The following FTCD variants were observed in gnomAD, a reference collection of about 807,000 sequenced individuals.
FTCD encodes formimidoyltransferase-cyclodeaminase.
FTCD carries 76 observed loss-of-function variants against 62.9 expected under a neutral mutation model. The ratio of observed to expected loss-of-function variants is 1.21; its 90% CI spans 1.00 to 1.46. FTCD has a LOEUF of 1.46. Ranked by LOEUF, FTCD falls within the 40% of genes most tolerant of loss-of-function variation. FTCD has a pLI of 0.00. For missense variants in FTCD, 845 were observed against 751.3 expected (o/e 1.12, Z -1.46); for synonymous variants, 397 against 336.9 (o/e 1.18, Z -1.95).
In FTCD at chr21:46,146,347, T is replaced by C; in HGVS notation, c.907-20A>G. The C allele has an allele frequency of 6.4e-7, 1 of 1,567,540 alleles. No homozygotes were observed. The highest frequency in any genetic ancestry group is 8.7e-7 in the Non-Finnish European group (1 of 1,148,470). On this transcript the variant is annotated intron_variant, in intron 7 of 13. Transcript: ENST00000397746. ...CACCACCTGGAAAAGGGGCTTGGAG[T>C]GGAAACGGCCTCGGCGCGTCTCCAC...
intron 7 of FTCD, among the ~76,000 whole-genome samples, chr21:46,147,958 A>G (rs185421551): frequency 0.018 from 2,652 of 151,266 alleles, 75 homozygotes; most frequent in African/African-American, 0.056. Context: ...AAAAAAAAAA[A>G]AAGAAGAAGA....
chr21:46,141,353 T>C (rs1045634539), intron 10 of FTCD, among the ~76,000 whole-genome samples: 3 of 151,852 alleles, frequency 2.0e-5, no homozygotes, highest in Non-Finnish European at 2.9e-5. Flanking sequence ...TGGTGTGTGG[T>C]CTAGGCTGGT....
At chr21:46,143,614 G>A (rs1030608544) in intron 10 of FTCD, among the ~76,000 whole-genome samples, 1 of 152,166 alleles carries the variant, frequency 6.6e-6, no homozygotes, top group Non-Finnish European at 1.5e-5. Flanking sequence ...AGGAGTTGAA[G>A]GGGCACGCTA....
intron 6 of FTCD, 41 bp downstream of exon 6, chr21:46,150,347 G>T: frequency 4.4e-6 from 7 of 1,608,744 alleles, no homozygotes; most frequent in Admixed American, 1.7e-5. Context: ...GGGACAGATC[G>T]GCTCGCCCCT....
rs2078932941 is a variant in FTCD, at chr21:46,138,915, C to T, written c.1269G>A (p.Met423Ile). The T allele has an allele frequency of 1.2e-6, 2 of 1,612,974 alleles. No individual in the cohort carries two copies. Among genetic ancestry groups the T allele is most frequent in the Non-Finnish European group, 1.7e-6 (2 of 1,179,112 alleles). The change falls in exon 11 of 14, where the codon ATG becomes ATA. Residue 423 changes from methionine to isoleucine, a missense_variant. Met to Ile is a conservative substitution (Grantham distance 10). Coordinates refer to ENST00000397746, the MANE Select transcript of FTCD (RefSeq NM_206965.2). ...AEAFTAYLEA[M>I]RLPKNTPEEK... is the part of the protein sequence containing the mutation. ...CCTCAGGTGTGTTCTTGGGGAGCCT[C>T]ATTGCTTCCTGCCATAAAGAGACAG... is the stretch of plus-strand genomic sequence containing the variant.
chr21:46,142,077 C>G (rs1356367760), intron 10 of FTCD: 5 of 152,280 alleles, frequency 3.3e-5, no homozygotes, highest in Admixed American at 3.3e-4. Context: ...CCCCGAAGGG[C>G]CTATCTACTG....
At chr21:46,149,895 GTCCTC>G (rs1333748309) in intron 7 of FTCD, among the ~76,000 whole-genome samples, 1 of 152,160 alleles carries the variant, frequency 6.6e-6, no homozygotes, top group East Asian at 1.9e-4. Context: ...AGGGTGGGGT[GTCCTC>G]TCCGTGGAAT....
rs778097816 is a variant in FTCD at position 46,151,553 on chromosome 21, G to T, written c.636+5C>A. On this transcript the variant is annotated splice_donor_5th_base_variant and intron_variant, in intron 5 of 13. Transcript: ENST00000397746. ...GGGCTCCATGGGGTCAGTGAACGGG[G>T]TCACCTGGTCCTTCCCGCGGCCCTG... The T allele has an allele frequency of 3.7e-6, 6 of 1,611,408 alleles. No homozygotes were observed. In the Admixed American group the frequency reaches 5.0e-5, roughly 13 times the overall value.
At chr21:46,152,714 G>A (rs1199991219) in intron 3 of FTCD, 193 bp downstream of exon 3, 15 of 549,934 alleles carry the variant, frequency 2.7e-5, no homozygotes, top group South Asian at 1.7e-4. Context: ...AGGAGGCCCC[G>A]GGCCTGCACG....
At chr21:46,153,864 C>T (rs967033983) in intron 2 of FTCD, among the ~76,000 whole-genome samples, 1 of 152,240 alleles carries the variant, frequency 6.6e-6, no homozygotes, top group Admixed American at 6.5e-5. Context: ...ACGGGGCCCA[C>T]AAACCTTCCC....
chr21:46,138,486 G>C lies in FTCD; in HGVS notation c.1443+22C>G. ...CTTCCTGCTTTGCGGCAGGAGGCCT[G>C]GGGTCCCCCGGGCCCCCCTACCTGG... On this transcript the variant is annotated intron_variant, in intron 12 of 13. Transcript: ENST00000397746. 1.9e-6 allele frequency: 3 copies of C among 1,572,364 alleles called. 1 individual carries two copies. In the South Asian group the frequency reaches 3.5e-5, roughly 18 times the overall value.
At chr21:46,148,575 T>C (rs2052572115) in intron 7 of FTCD, among the ~76,000 whole-genome samples, 1 of 152,038 alleles carries the variant, frequency 6.6e-6, no homozygotes, top group Non-Finnish European at 1.5e-5. Flanking sequence ...GCTGTGATTG[T>C]GCCACTGCAC....
At position 46,150,427 on chromosome 21, in the gene FTCD, T is replaced by C. The variant is rs2079242426; in HGVS notation, c.735A>G (p.Ala245=). 2 of 1,613,140 alleles carry C rather than the reference T, an allele frequency of 1.2e-6. No individual in the cohort carries two copies. The highest frequency in any genetic ancestry group is 2.7e-5 in the African/African-American group (2 of 75,068). The change falls in exon 6 of 14, where the codon GCA becomes GCG. Residue 245 remains alanine, a synonymous_variant. Transcript: ENST00000397746. ...STNLLDFEVT[A]LHTVYEETCR... ...AGGTCTCCTCGTAGACCGTGTGCAG[T>C]GCCGTGACCTCAAAGTCCAGAAGAT...
intron 1 of FTCD, 35 bp from the exon 2 acceptor site, chr21:46,154,367 C>A (rs548939984): frequency 8.2e-6 from 13 of 1,592,046 alleles, no homozygotes; most frequent in Non-Finnish European, 1.1e-5. Flanking sequence ...ACCTCAGTCT[C>A]CCCGTTTGAA....
chr21:46,151,603 G>T lies in FTCD; in HGVS notation c.591C>A (p.His197Gln). The T allele has an allele frequency of 6.2e-7, 1 of 1,613,032 alleles. No individual in the cohort carries two copies. The change falls in exon 5 of 14, where the codon CAC (histidine) becomes CAA (glutamine). Residue 197 changes from histidine (H) to glutamine (Q), a missense_variant. Coordinates refer to ENST00000397746, the MANE Select transcript of FTCD (RefSeq NM_206965.2). ...GCTCCCGCAGGTTGAGCGCGATGCG[G>T]TGGGCTTGCTCCTTTGTGCCGAGCA... ...INLLGTKEQAHRIALNLREQG... is the reference protein window; with the variant it reads ...INLLGTKEQAQRIALNLREQG...
rs2079198234 is a variant in FTCD, at chr21:46,148,445, C to A, written c.906+1674G>T. ...TTTGAGACCAGCCTGGGCAATAGAGCAAAACCCCATCTGTACAAAATTAGC... is the reference window on the plus strand; with the variant it reads ...TTTGAGACCAGCCTGGGCAATAGAGAAAAACCCCATCTGTACAAAATTAGC... On this transcript the variant is annotated intron_variant, in intron 7 of 13. Coordinates refer to ENST00000397746, the MANE Select transcript of FTCD (RefSeq NM_206965.2). 2.0e-5 allele frequency among the ~76,000 whole-genome samples: 3 copies of A among 152,106 alleles called. No homozygotes were observed. In the South Asian group the frequency reaches 6.2e-4, roughly 32 times the overall value.
At chr21:46,138,980 C>A in intron 10 of FTCD, 57 bp from the exon 11 acceptor site, 1 of 1,314,172 alleles carries the variant, frequency 7.6e-7, no homozygotes. Context: ...CAGCCATGCC[C>A]TCTGAGCTCC....
chr21:46,147,441 C>T (rs893536855), intron 7 of FTCD, among the ~76,000 whole-genome samples: 7 of 152,198 alleles, frequency 4.6e-5, no homozygotes, highest in African/African-American at 1.4e-4. Context: ...TGTCCACAAG[C>T]GCCAGCACAA....
At position 46,145,191 on chromosome 21, in the gene FTCD, G is replaced by A. The variant is rs1212547579; in HGVS notation, c.1260+226C>T. 2.0e-5 allele frequency among the ~76,000 whole-genome samples: 3 copies of A among 152,314 alleles called. No individual in the cohort carries two copies. In the East Asian group the frequency reaches 5.8e-4, roughly 30 times the overall value. ...ACCGGCTGCCATGGCCTGTGAATGT[G>A]GGGTCACCCTGGCCGAACCCTCAAA... On this transcript the variant is annotated intron_variant, in intron 10 of 13. Coordinates refer to ENST00000397746, the MANE Select transcript of FTCD (RefSeq NM_206965.2).
Sources: allele counts gnomAD v4.1 joint callset (sites outside exome capture counted in the v4.1 genomes callset), GRCh38; gene constraint gnomAD v4.1.1; transcripts MANE v1.5; gene names NCBI Gene and HGNC (gene_info 2026-07-23, HGNC 2026-07-21).